The following FAIM2 variants were observed in gnomAD, a reference collection of about 807,000 sequenced individuals.
FAIM2 encodes the protein protein lifeguard 2.
A neutral mutation model predicts 47.4 loss-of-function variants in FAIM2; 27 were observed. The observed-to-expected ratio is 0.57, with a 90% CI of 0.42 to 0.78. The LOEUF (loss-of-function observed/expected upper bound fraction) is 0.78, where lower values mean the gene tolerates loss of function less well. Among genes scored for constraint, FAIM2 ranks in the 30% least tolerant of loss-of-function variants. The pLI, the probability that FAIM2 is intolerant of heterozygous loss-of-function variation, is 0.00. For missense variants in FAIM2, 311 were observed against 389.4 expected, an observed-to-expected ratio of 0.80 and a Z score of 1.69; for synonymous variants, 156 against 159.3, an observed-to-expected ratio of 0.98 and a Z score of 0.16.
chr12:49,900,119 T>G, intron 2 of FAIM2: 1 of 989,364 alleles, frequency 1.0e-6, no homozygotes, highest in Non-Finnish European at 1.4e-6. Flanking sequence ...CCGGCGGGTG[T>G]GTAGGGAAGG....
chr12:49,872,968 G>C (rs781334122), intron 11 of FAIM2, among the ~76,000 whole-genome samples: 5 of 152,226 alleles, frequency 3.3e-5, no homozygotes, highest in African/African-American at 4.8e-5. Flanking sequence ...TGCAGAAGGA[G>C]AGGTGCCCTC....
In FAIM2 at chr12:49,870,512, G is replaced by A. The variant is rs1309183476; in HGVS notation, c.943C>T (p.Arg315Ter). 6 of 1,613,676 alleles carry A rather than the reference G, an allele frequency of 3.7e-6. No homozygotes were observed. The highest frequency in any genetic ancestry group is 5.1e-6 in the Non-Finnish European group (6 of 1,179,810). Residue 315 changes from arginine (R) to a stop codon, truncating the protein, a stop_gained, in exon 12 of 12, where the codon CGA becomes TGA. Transcript: ENST00000320634. LOFTEE classifies it high-confidence loss of function. Reference protein sequence around the residue: ...TFFLQLFGTNRE With the variant: ...TFFLQLFGTN ...GGGGCAGGGAGGGCTCCTCATTCTCGGTTAGTGCCAAAAAGCTGCAGGAAG... is the reference window on the plus strand; with the variant it reads ...GGGGCAGGGAGGGCTCCTCATTCTCAGTTAGTGCCAAAAAGCTGCAGGAAG...
chr12:49,884,724 C>T lies in FAIM2; in HGVS notation c.801+2662G>A, dbSNP rs530185720. On this transcript the variant is annotated intron_variant, in intron 11 of 11. Transcript: ENST00000320634. The stretch of plus-strand genomic sequence containing the variant: ...GCATGGTCACTCACGCCTGTAATCC[C>T]AGCACTTTGGGAGGCCAAGGCGGGC... Among the ~76,000 whole-genome samples, 24 of 152,326 alleles carry T rather than the reference C, an allele frequency of 1.6e-4. No homozygotes were observed. The East Asian group carries it at 3.1e-3, about 20-fold the overall frequency.
At chr12:49,871,591 A>G (rs1946703120) in intron 11 of FAIM2, among the ~76,000 whole-genome samples, 1 of 152,154 alleles carries the variant, frequency 6.6e-6, no homozygotes, top group South Asian at 2.1e-4. Flanking sequence ...AAAGAGGCCA[A>G]AAAGTCCACC....
chr12:49,878,364 ATG>A (rs1167197496), intron 11 of FAIM2, among the ~76,000 whole-genome samples: 1 of 90,776 alleles, frequency 1.1e-5, no homozygotes. Context: ...ATGTGTGTAT[ATG>A]TGGGCATGTG....
At chr12:49,875,918 G>C (rs1364049491) in intron 11 of FAIM2, among the ~76,000 whole-genome samples, 1 of 152,204 alleles carries the variant, frequency 6.6e-6, no homozygotes, top group Non-Finnish European at 1.5e-5. Flanking sequence ...GGAGGTTCCA[G>C]TAAGCCAAGA....
rs1486210097 is a variant in FAIM2 at position 49,867,233 on chromosome 12, A to C, written c.*3271T>G. The C allele has an allele frequency of 6.6e-6, 1 of 152,284 alleles. No individual in the cohort carries two copies. Among genetic ancestry groups the C allele is most frequent in the South Asian group, 2.1e-4 (1 of 4,834 alleles). 9.4% of individuals were successfully genotyped at this position (152,284 alleles called of 1,614,324 possible). A position where few individuals can be genotyped will look rare whatever the true frequency, so the allele number is the denominator to read the frequency against. Reference sequence around the variant, plus strand: ...GGGCCAGATCCTGCCCCCAACCTCCAGCCACATGGGCCCTCGGTGACTCTC... The same window carrying C: ...GGGCCAGATCCTGCCCCCAACCTCCCGCCACATGGGCCCTCGGTGACTCTC... On this transcript the variant is annotated 3_prime_UTR_variant, in exon 12 of 12. Transcript: ENST00000320634.
At chr12:49,901,089 C>A in intron 2 of FAIM2, 41 bp downstream of exon 2, 1 of 1,481,994 alleles carries the variant, frequency 6.7e-7, no homozygotes, top group Non-Finnish European at 9.0e-7. Context: ...GGTCCACCCC[C>A]ACCCCATGAT....
Position 49,901,326 on chromosome 12 carries a change from C to A in FAIM2, c.16-1G>T. On this transcript the variant is annotated splice_acceptor_variant, in intron 1 of 11. Coordinates refer to ENST00000320634, the MANE Select transcript of FAIM2 (RefSeq NM_012306.4). LOFTEE classifies it high-confidence loss of function. ...CAGGGGCCTTGTTAGCCACGGAGAG[C>A]TATGGAGTAGAGTCAGAGAGAGAGA... 6.4e-7 allele frequency: 1 copy of A among 1,573,478 alleles called. No homozygotes were observed. Among genetic ancestry groups the A allele is most frequent in the Non-Finnish European group, 8.6e-7 (1 of 1,164,002 alleles).
At chr12:49,877,339 C>T (rs907477378) in intron 11 of FAIM2, among the ~76,000 whole-genome samples, 5 of 152,232 alleles carry the variant, frequency 3.3e-5, no homozygotes, top group African/African-American at 9.6e-5. Flanking sequence ...GAGGAACCCA[C>T]GCCACTTCCA....
At chr12:49,901,611 T>A (rs1946982936) in intron 1 of FAIM2, 1 of 318,932 alleles carries the variant, frequency 3.1e-6, no homozygotes, top group East Asian at 5.3e-5. Flanking sequence ...GTCCCTGGGG[T>A]AGGGGCAGGG....
intron 11 of FAIM2, among the ~76,000 whole-genome samples, chr12:49,880,282 A>G (rs1362290774): frequency 2.7e-5 from 4 of 145,854 alleles, no homozygotes; most frequent in African/African-American, 1.0e-4. Flanking sequence ...ATATGTATGC[A>G]TATGAGTGTA....
intron 1 of FAIM2, among the ~76,000 whole-genome samples, 173 bp downstream of exon 1, chr12:49,903,605 G>A (rs1946996393): frequency 6.6e-6 from 1 of 152,222 alleles, no homozygotes; most frequent in South Asian, 2.1e-4. Context: ...AAGAGGCCTC[G>A]GTCCATTCCT....
chr12:49,897,095 G>T lies in FAIM2; in HGVS notation c.381-11C>A. The T allele has an allele frequency of 6.2e-7, 1 of 1,607,910 alleles. No individual in the cohort carries two copies. Among genetic ancestry groups the T allele is most frequent in the African/African-American group, 1.3e-5 (1 of 74,950 alleles). On this transcript the variant is annotated splice_polypyrimidine_tract_variant and intron_variant, in intron 4 of 11. Transcript: ENST00000320634. ...TCCTTGACAGGGTCACTGCAGAGAAGAGAGAGTGGGAGAGAGAGTCAGAAT... is the reference window on the plus strand; with the variant it reads ...TCCTTGACAGGGTCACTGCAGAGAATAGAGAGTGGGAGAGAGAGTCAGAAT...
chr12:49,889,564 A>G lies in FAIM2; in HGVS notation c.568T>C (p.Tyr190His), dbSNP rs756161392. Residue 190 changes from tyrosine (Y) to histidine (H), a missense_variant, in exon 9 of 12, where the codon TAC becomes CAC. By Grantham distance (83) the Tyr-to-His change is moderately conservative. Coordinates refer to ENST00000320634, the MANE Select transcript of FAIM2 (RefSeq NM_012306.4). The part of the protein sequence containing the change: ...AYLTGMLSSY[Y>H]NTTSVLLCLG... ...CACAGCAGCACGGAGGTGGTGTTGT[A>G]GTAGCTGAGGACCGTCAGGCCGAGG... 6.2e-7 allele frequency: 1 copy of G among 1,613,908 alleles called. No homozygotes were observed. Among genetic ancestry groups the G allele is most frequent in the East Asian group, 2.2e-5 (1 of 44,852 alleles).
At chr12:49,894,568 C>T (rs955625382) in intron 5 of FAIM2, among the ~76,000 whole-genome samples, 1 of 152,106 alleles carries the variant, frequency 6.6e-6, no homozygotes, top group African/African-American at 2.4e-5. Flanking sequence ...GCATCAGAGC[C>T]CCAGCCCCAG....
In FAIM2 at chr12:49,901,141, T is replaced by C. The variant is rs754090059; in HGVS notation, c.200A>G (p.Tyr67Cys). The C allele has an allele frequency of 9.4e-6, 15 of 1,595,968 alleles. No individual in the cohort carries two copies. Among genetic ancestry groups the C allele is most frequent in the Admixed American group, 3.6e-5 (2 of 56,338 alleles). Residue 67 changes from tyrosine (Y) to cysteine (C), a missense_variant, in exon 2 of 12, where the codon TAT becomes TGT. Transcript: ENST00000320634. ...GCTGAAAGACTTACTGGGGTCCACA[T>C]AGGCCCAGCTAGGGTGGAGAGGCAC... is the stretch of plus-strand genomic sequence containing the variant. ...TAVPLHPSWA[Y>C]VDPSSSSSYD...
At chr12:49,880,494 A>ATGCGTGTATATG (rs1946809286) in intron 11 of FAIM2, among the ~76,000 whole-genome samples, 1 of 138,816 alleles carries the variant, frequency 7.2e-6, no homozygotes, top group Non-Finnish European at 1.6e-5. Context: ...ATGCATGTGT[A>ATGCGTGTATATG]TGTGTGTGTA....
At chr12:49,903,675 G>A (rs1013146110) in intron 1 of FAIM2, 103 bp downstream of exon 1, 3 of 1,436,256 alleles carry the variant, frequency 2.1e-6, no homozygotes, top group African/African-American at 1.4e-5. Flanking sequence ...TTCAAACTAG[G>A]GCCAGGGGAG....
Sources: gnomAD v4.1 joint callset for allele counts (sites outside exome capture counted in the v4.1 genomes callset) on GRCh38, gnomAD v4.1.1 for gene constraint, MANE v1.5 for transcripts, NCBI Gene and HGNC (gene_info 2026-07-23, HGNC 2026-07-21) for gene names.